The following DKK4 variants were observed in gnomAD, a reference collection of about 807,000 sequenced individuals.
The protein encoded by DKK4 is dickkopf Wnt signaling pathway inhibitor 4.
Under a neutral mutation model 14.5 loss-of-function variants are expected in DKK4, and 15 were observed. The observed-to-expected ratio is 1.03, with a 90% CI of 0.69 to 1.59. The LOEUF (loss-of-function observed/expected upper bound fraction) is 1.59, where lower values mean the gene tolerates loss of function less well. Among genes scored for constraint, DKK4 ranks in the 40% most tolerant of loss-of-function variants. DKK4 has a pLI of 0.00. For synonymous variants in DKK4, 89 were observed against 105.2 expected, an observed-to-expected ratio of 0.85 and a Z score of 0.94; for missense variants, 272 against 280.3, an observed-to-expected ratio of 0.97 and a Z score of 0.21.
upstream of DKK4, among the ~76,000 whole-genome samples, chr8:42,378,590 T>C (rs10097867): frequency 0.23 from 35,445 of 151,940 alleles, 7,987 homozygotes; most frequent in African/African-American, 0.59. Flanking sequence ...TGTACAATTA[T>C]GACCAAGGAT....
rs143079002 is a variant in DKK4, at chr8:42,374,508, C to T, written c.416-149G>A. ...GCAGGTCTCACAGAGCTAGGTGTTACGCTAAAAGCAGTAATGCCATGGCGA... is the reference window on the plus strand; with the variant it reads ...GCAGGTCTCACAGAGCTAGGTGTTATGCTAAAAGCAGTAATGCCATGGCGA... On this transcript the variant is annotated intron_variant, in intron 3 of 3. Coordinates refer to ENST00000220812, the MANE Select transcript of DKK4 (RefSeq NM_014420.3). 1,025 of 1,174,978 alleles carry T rather than the reference C, an allele frequency of 8.7e-4. 1 individual carries two copies. The highest frequency in any genetic ancestry group is 1.4e-3 in the Admixed American group (54 of 39,636). 72.8% of individuals were successfully genotyped at this position (1,174,978 alleles called of 1,614,324 possible).
upstream of DKK4, among the ~76,000 whole-genome samples, chr8:42,378,936 G>A (rs1202700901): frequency 8.9e-6 from 1 of 112,886 alleles, no homozygotes; most frequent in African/African-American, 4.0e-5. Context: ...TTGAGATCCT[G>A]TCTCCACAAA....
In DKK4 at chr8:42,374,170, C is replaced by A; in HGVS notation, c.605G>T (p.Cys202Phe). ...QRCDCGPGLLCRSQLTSNRQH... is the reference protein window; with the variant it reads ...QRCDCGPGLLFRSQLTSNRQH... ...CCGATTGCTGGTCAATTGGCTTCGA[C>A]ACAGTAGTCCAGGGCCACAGTCGCA... is the stretch of plus-strand genomic sequence containing the variant. The change falls in exon 4 of 4, where the codon TGT becomes TTT. Residue 202 changes from cysteine to phenylalanine, a missense_variant. Cys to Phe is a radical substitution (Grantham distance 205). Transcript: ENST00000220812. The A allele has an allele frequency of 6.2e-7, 1 of 1,613,586 alleles. No homozygotes were observed. Among genetic ancestry groups the A allele is most frequent in the Non-Finnish European group, 8.5e-7 (1 of 1,180,008 alleles).
At chr8:42,384,588 C>T in the DKK4 span, among the ~76,000 whole-genome samples, 1 of 152,124 alleles carries the variant, frequency 6.6e-6, no homozygotes, top group Non-Finnish European at 1.5e-5. Context: ...TCGTCCAGGC[C>T]TTCCCAGGAC....
Position 42,375,686 on chromosome 8 carries a change from C to A in DKK4, c.256G>T (p.Val86Leu), listed in dbSNP as rs114758407. The A allele has an allele frequency of 6.2e-7, 1 of 1,613,406 alleles. No individual in the cohort carries two copies. The highest frequency in any genetic ancestry group is 1.3e-5 in the African/African-American group (1 of 75,010). Reference protein sequence around the residue: ...DAMCCPGTLCVNDVCTTMEDA... With the variant: ...DAMCCPGTLCLNDVCTTMEDA... ...TTGGCGTTATGTCGCTCACCGTTCA[C>A]ACAGAGTGTCCCAGGGCAGCACATG... The change falls in exon 2 of 4, where the codon GTG becomes TTG. Residue 86 changes from valine (V) to leucine (L), a missense_variant. Transcript: ENST00000220812.
At chr8:42,375,563 C>T (rs1824540739) in intron 2 of DKK4, 117 bp downstream of exon 2, 4 of 1,205,068 alleles carry the variant, frequency 3.3e-6, no homozygotes, top group Non-Finnish European at 4.6e-6. Flanking sequence ...CATACATTTA[C>T]TTCAAGCATG....
intron 1 of DKK4, 90 bp downstream of exon 1, chr8:42,376,845 T>C (rs773153033): frequency 2.4e-5 from 26 of 1,071,174 alleles, no homozygotes; most frequent in Non-Finnish European, 3.6e-5. Context: ...AGACATTTCA[T>C]ACATGAATCA....
chr8:42,376,623 T>C (rs1345311509), intron 1 of DKK4, among the ~76,000 whole-genome samples: 2 of 152,150 alleles, frequency 1.3e-5, no homozygotes, highest in Non-Finnish European at 2.9e-5. Context: ...CTATCTCAAA[T>C]TGTGAGGAAG....
chr8:42,388,214 CCTTT>C, the DKK4 span, among the ~76,000 whole-genome samples: 1 of 152,008 alleles, frequency 6.6e-6, no homozygotes, highest in Non-Finnish European at 1.5e-5. Flanking sequence ...CTTTTAAACT[CCTTT>C]CTTTTCTTTC....
upstream of DKK4, among the ~76,000 whole-genome samples, chr8:42,379,378 T>TATATATATATATATAG (rs1166847600): frequency 8.7e-5 from 3 of 34,558 alleles, no homozygotes; most frequent in Non-Finnish European, 1.5e-4. Context: ...TATATATATA[T>TATATATATATATATAG]AGAGAGAGAG....
At chr8:42,389,580 C>T in the DKK4 span, among the ~76,000 whole-genome samples, 1 of 152,108 alleles carries the variant, frequency 6.6e-6, no homozygotes, top group Non-Finnish European at 1.5e-5. Flanking sequence ...CTGATATTTG[C>T]CTTTTGATTC....
At chr8:42,377,832 A>G (rs1824592686), upstream of DKK4, among the ~76,000 whole-genome samples, 1 of 152,228 alleles carries the variant, frequency 6.6e-6, no homozygotes, top group Non-Finnish European at 1.5e-5. Flanking sequence ...TGAAAATTGA[A>G]CTGTTTGAAG....
the DKK4 span, among the ~76,000 whole-genome samples, chr8:42,391,223 TC>T: frequency 2.6e-5 from 4 of 151,982 alleles, no homozygotes; most frequent in African/African-American, 9.7e-5. Context: ...GTCTGGTCAG[TC>T]TGAAATGAAA....
At position 42,374,146 on chromosome 8, in the gene DKK4, C is replaced by T. The variant is rs773346060; in HGVS notation, c.629G>A (p.Arg210Gln). ...GCATACTCTTAATCGAGCATGCTGC[C>T]GATTGCTGGTCAATTGGCTTCGACA... ...LLCRSQLTSN[R>Q]QHARLRVCQK... is the part of the protein sequence containing the mutation. Residue 210 changes from arginine (R) to glutamine (Q), a missense_variant, in exon 4 of 4, where the codon CGG becomes CAG. Coordinates refer to ENST00000220812, the MANE Select transcript of DKK4 (RefSeq NM_014420.3). The T allele has an allele frequency of 8.1e-6, 13 of 1,612,786 alleles. No individual in the cohort carries two copies. The highest frequency in any genetic ancestry group is 3.3e-5 in the South Asian group (3 of 90,902).
At chr8:42,375,616 C>A in intron 2 of DKK4, 64 bp downstream of exon 2, 1 of 1,588,440 alleles carries the variant, frequency 6.3e-7, no homozygotes, top group Non-Finnish European at 8.6e-7. Flanking sequence ...CTGGAATATT[C>A]TAGTCTATGG....
At chr8:42,379,387 A>ATATG (rs1563415728), upstream of DKK4, among the ~76,000 whole-genome samples, 3 of 46,610 alleles carry the variant, frequency 6.4e-5, no homozygotes, top group African/African-American at 3.2e-4. Flanking sequence ...ATAGAGAGAG[A>ATATG]GAGAGAGAGA....
chr8:42,375,828 G>T lies in DKK4; in HGVS notation c.114C>A (p.Gly38=). 6.2e-7 allele frequency: 1 copy of T among 1,613,876 alleles called. No homozygotes were observed. The highest frequency in any genetic ancestry group is 8.5e-7 in the Non-Finnish European group (1 of 1,179,886). The part of the protein sequence containing the change: ...SSADLHGARK[G]SQCLSDTDCN... ...AGTCCGTGTCAGACAGGCACTGTGA[G>T]CCCTGTGGAGGGAATCTGTTATCAC... Residue 38 remains glycine, a splice_region_variant and synonymous_variant, in exon 2 of 4, where the codon GGC becomes GGA. Coordinates refer to ENST00000220812, the MANE Select transcript of DKK4 (RefSeq NM_014420.3).
intron 2 of DKK4, 89 bp from the exon 3 acceptor site, chr8:42,375,002 C>T: frequency 4.4e-6 from 6 of 1,367,832 alleles, no homozygotes; most frequent in Non-Finnish European, 4.1e-6. Context: ...CATAGTTTGG[C>T]AGCACCTCTG....
chr8:42,391,261 C>G, the DKK4 span, among the ~76,000 whole-genome samples: 2 of 150,934 alleles, frequency 1.3e-5, no homozygotes, highest in Non-Finnish European at 2.9e-5. Context: ...GGCGTGGGCT[C>G]AGGCCTGTGA....
Sources: allele counts gnomAD v4.1 joint callset (sites outside exome capture counted in the v4.1 genomes callset), GRCh38; gene constraint gnomAD v4.1.1; transcripts MANE v1.5; gene names NCBI Gene and HGNC (gene_info 2026-07-23, HGNC 2026-07-21).